GLIS1: variants seen among roughly 807,000 people sequenced by gnomAD.
GLIS1 encodes zinc finger protein GLIS1.
GLIS1 carries 24 observed loss-of-function variants against 63.8 expected under a neutral mutation model. The ratio of observed to expected loss-of-function variants is 0.38; its 90% CI spans 0.27 to 0.53. The LOEUF (loss-of-function observed/expected upper bound fraction) is 0.53. Ranked by LOEUF, GLIS1 falls within the 20% of genes least tolerant of loss-of-function variation. The pLI is 0.85. For missense variants in GLIS1, 1,036 were observed against 1,074.1 expected (o/e 0.96, Z 0.50); for synonymous variants, 450 against 482.5 (o/e 0.93, Z 0.88).
chr1:53,665,377 T>A (rs1439932715), intron 2 of GLIS1, among the ~76,000 whole-genome samples: 1 of 152,042 alleles, frequency 6.6e-6, no homozygotes, highest in Non-Finnish European at 1.5e-5. Flanking sequence ...CTTTTAGACA[T>A]CCAACTGAAA....
intron 4 of GLIS1, among the ~76,000 whole-genome samples, chr1:53,587,655 G>C (rs1645149073): frequency 6.6e-6 from 1 of 152,220 alleles, no homozygotes; most frequent in African/African-American, 2.4e-5. Context: ...AAGTCAGCAG[G>C]CAACAGGCTC....
intron 4 of GLIS1, among the ~76,000 whole-genome samples, chr1:53,543,093 T>C (rs1225949386): frequency 6.6e-6 from 1 of 152,214 alleles, no homozygotes; most frequent in Non-Finnish European, 1.5e-5. Flanking sequence ...AGAGATTTGC[T>C]ACCCAGCATG....
rs779953087 is a variant in GLIS1, at chr1:53,519,136, G to A, written c.1726+1498C>T. 5.9e-5 allele frequency among the ~76,000 whole-genome samples: 9 copies of A among 152,166 alleles called. No individual in the cohort carries two copies. The South Asian group carries it at 1.2e-3, about 21-fold the overall frequency. Reference sequence around the variant, plus strand: ...AGGAGCTGGCACTTGAGATACCTTCGTCCCTGGGTTGGATGAGCCCCCCGG... The same window carrying A: ...AGGAGCTGGCACTTGAGATACCTTCATCCCTGGGTTGGATGAGCCCCCCGG... On this transcript the variant is annotated intron_variant, in intron 7 of 10. Transcript: ENST00000628545.
intron 4 of GLIS1, among the ~76,000 whole-genome samples, chr1:53,579,079 T>C (rs1218493500): frequency 6.6e-6 from 1 of 150,892 alleles, no homozygotes; most frequent in East Asian, 1.9e-4. Context: ...AAAAAAACAG[T>C]TTAGGTCAAA....
intron 4 of GLIS1, among the ~76,000 whole-genome samples, chr1:53,546,383 A>C (rs1303009654): frequency 6.6e-6 from 1 of 152,230 alleles, no homozygotes; most frequent in East Asian, 1.9e-4. Context: ...CTGCAGCCTC[A>C]GCCAAATGTC....
intron 2 of GLIS1, among the ~76,000 whole-genome samples, chr1:53,736,521 C>T (rs1646914198): frequency 1.3e-5 from 2 of 152,110 alleles, no homozygotes; most frequent in Non-Finnish European, 2.9e-5. Flanking sequence ...ACTCATGTCT[C>T]GCTGCGCAGC....
intron 2 of GLIS1, among the ~76,000 whole-genome samples, chr1:53,707,389 T>A (rs968932845): frequency 6.6e-6 from 1 of 152,220 alleles, no homozygotes; most frequent in Admixed American, 6.5e-5. Context: ...CAGTGGTTCA[T>A]GCCTGTAATC....
At chr1:53,735,923 T>C (rs981121287) in intron 2 of GLIS1, among the ~76,000 whole-genome samples, 37 of 152,180 alleles carry the variant, frequency 2.4e-4, no homozygotes, top group Non-Finnish European at 2.9e-5. Flanking sequence ...GGGAAACCTC[T>C]CCAAGCCCAG....
chr1:53,527,651 T>C (rs1644484773), intron 5 of GLIS1, among the ~76,000 whole-genome samples: 1 of 152,234 alleles, frequency 6.6e-6, no homozygotes, highest in African/African-American at 2.4e-5. Context: ...GGGACATGGC[T>C]GGTCCCCTCT....
At chr1:53,702,412 T>C (rs1413032825) in intron 2 of GLIS1, among the ~76,000 whole-genome samples, 3 of 152,162 alleles carry the variant, frequency 2.0e-5, no homozygotes, top group African/African-American at 4.8e-5. Flanking sequence ...TTAGCACACA[T>C]GAGCATGAAG....
chr1:53,663,909 A>C (rs1044769582), intron 2 of GLIS1, among the ~76,000 whole-genome samples: 1 of 151,776 alleles, frequency 6.6e-6, no homozygotes, highest in Non-Finnish European at 1.5e-5. Context: ...ATGTGGCTCC[A>C]GGCGCCTCGA....
intron 2 of GLIS1, among the ~76,000 whole-genome samples, chr1:53,620,187 A>T (rs1349183841): frequency 6.6e-6 from 1 of 152,220 alleles, no homozygotes; most frequent in Non-Finnish European, 1.5e-5. Flanking sequence ...AAGCTCTCCT[A>T]GGCTGCTGGG....
chr1:53,599,668 G>C (rs537401963), intron 3 of GLIS1, among the ~76,000 whole-genome samples: 1 of 152,390 alleles, frequency 6.6e-6, no homozygotes, highest in South Asian at 2.1e-4. Flanking sequence ...GGCACTGGAA[G>C]TGTGCAAGCA....
chr1:53,644,835 G>A (rs1310304424), intron 2 of GLIS1, among the ~76,000 whole-genome samples: 1 of 152,212 alleles, frequency 6.6e-6, no homozygotes, highest in Non-Finnish European at 1.5e-5. Context: ...ACAACAGCAA[G>A]TATTATTTGC....
At chr1:53,538,939 G>A (rs1644610459) in intron 4 of GLIS1, among the ~76,000 whole-genome samples, 2 of 152,074 alleles carry the variant, frequency 1.3e-5, no homozygotes, top group Admixed American at 1.3e-4. Flanking sequence ...TGGAACCCCC[G>A]AAAGTAGGAG....
intron 4 of GLIS1, among the ~76,000 whole-genome samples, chr1:53,542,792 G>A (rs1215464631): frequency 1.3e-5 from 2 of 152,232 alleles, no homozygotes; most frequent in Non-Finnish European, 2.9e-5. Context: ...ACCTGAAGCA[G>A]GGCTGCTCCC....
At chr1:53,572,136 A>G (rs1284827403) in intron 4 of GLIS1, among the ~76,000 whole-genome samples, 2 of 152,244 alleles carry the variant, frequency 1.3e-5, no homozygotes, top group Non-Finnish European at 2.9e-5. Flanking sequence ...TATATCAAAT[A>G]TGATATAATT....
At chr1:53,548,717 G>T (rs949806093) in intron 4 of GLIS1, among the ~76,000 whole-genome samples, 1 of 152,194 alleles carries the variant, frequency 6.6e-6, no homozygotes, top group African/African-American at 2.4e-5. Context: ...GCTTGCATCT[G>T]TTTCCCTGTG....
chr1:53,566,088 C>T (rs1460900554), intron 4 of GLIS1, among the ~76,000 whole-genome samples: 1 of 152,026 alleles, frequency 6.6e-6, no homozygotes, highest in African/African-American at 2.4e-5. Flanking sequence ...ATTATGATAA[C>T]CTCAATAGAC....
Sources: allele counts gnomAD v4.1 joint callset (sites outside exome capture counted in the v4.1 genomes callset), GRCh38; gene constraint gnomAD v4.1.1; transcripts MANE v1.5; gene names NCBI Gene and HGNC (gene_info 2026-07-23, HGNC 2026-07-21).